The following AGTPBP1 variants were observed in gnomAD, a reference collection of about 807,000 sequenced individuals.
AGTPBP1 encodes ATP/GTP binding carboxypeptidase 1.
A neutral mutation model predicts 143.9 loss-of-function variants in AGTPBP1; 70 were observed. The ratio of observed to expected loss-of-function variants is 0.49; its 90% CI spans 0.40 to 0.59. The LOEUF is 0.59. Among genes scored for constraint, AGTPBP1 ranks in the 20% least tolerant of loss-of-function variants. AGTPBP1 has a pLI of 0.00. For missense variants in AGTPBP1, 1,229 were observed against 1,464.5 expected (o/e 0.84, Z 2.62); for synonymous variants, 463 against 500.2 (o/e 0.93, Z 0.99).
intron 25 of AGTPBP1, among the ~76,000 whole-genome samples, chr9:85,550,784 C>A (rs932299843): frequency 2.6e-5 from 4 of 152,180 alleles, no homozygotes; most frequent in African/African-American, 9.7e-5. Context: ...AACCAAAGTT[C>A]GCTACAAGCA....
intron 11 of AGTPBP1, among the ~76,000 whole-genome samples, chr9:85,649,236 A>G (rs1419448190): frequency 6.6e-6 from 1 of 152,256 alleles, no homozygotes; most frequent in Non-Finnish European, 1.5e-5. Flanking sequence ...CTACAACTGT[A>G]TGATGTAGTC....
intron 9 of AGTPBP1, 104 bp from the exon 10 acceptor site, chr9:85,657,747 T>C (rs934643120): frequency 4.2e-6 from 3 of 707,014 alleles, no homozygotes; most frequent in East Asian, 2.9e-5. Context: ...TGGATACTTA[T>C]AATTCTTTTT....
intron 2 of AGTPBP1, among the ~76,000 whole-genome samples, chr9:85,706,652 C>T (rs1415932995): frequency 1.3e-5 from 2 of 151,956 alleles, no homozygotes; most frequent in Admixed American, 6.6e-5. Context: ...GGGCGGATCA[C>T]GACATCAGGA....
intron 11 of AGTPBP1, among the ~76,000 whole-genome samples, chr9:85,647,440 A>G (rs1163391755): frequency 6.6e-6 from 1 of 152,224 alleles, no homozygotes; most frequent in African/African-American, 2.4e-5. Flanking sequence ...ACATGTAATT[A>G]TAATACCAAA....
At chr9:85,592,160 G>A (rs1829010439) in intron 19 of AGTPBP1, among the ~76,000 whole-genome samples, 1 of 151,638 alleles carries the variant, frequency 6.6e-6, no homozygotes. Flanking sequence ...TAAACATGCA[G>A]AAATCTCACC....
the AGTPBP1 span, among the ~76,000 whole-genome samples, chr9:85,772,278 T>C: frequency 1.3e-5 from 2 of 152,162 alleles, no homozygotes; most frequent in Non-Finnish European, 2.9e-5. Context: ...CTGGCCCTTG[T>C]GCTACTCTTA....
chr9:85,791,559 G>C, the AGTPBP1 span: 1 of 151,996 alleles, frequency 6.6e-6, no homozygotes, highest in Admixed American at 6.6e-5. Context: ...GGAGACAGGG[G>C]GGAAAGAGGT....
At chr9:85,630,058 C>A (rs559392292) in intron 14 of AGTPBP1, among the ~76,000 whole-genome samples, 1 of 152,270 alleles carries the variant, frequency 6.6e-6, no homozygotes, top group East Asian at 1.9e-4. Flanking sequence ...TTAAAGAGCA[C>A]TTAAAATTCA....
chr9:85,727,199 C>T (rs1838555722), intron 1 of AGTPBP1, among the ~76,000 whole-genome samples: 1 of 152,042 alleles, frequency 6.6e-6, no homozygotes, highest in Admixed American at 6.6e-5. Context: ...TGGTGGCACG[C>T]ACCTGTAATC....
At chr9:85,722,448 C>T (rs183519777) in intron 1 of AGTPBP1, among the ~76,000 whole-genome samples, 1 of 152,156 alleles carries the variant, frequency 6.6e-6, no homozygotes, top group Non-Finnish European at 1.5e-5. Flanking sequence ...ATCCTTTCTT[C>T]GACTTGATCG....
intron 6 of AGTPBP1, among the ~76,000 whole-genome samples, chr9:85,676,068 G>A (rs1368690798): frequency 6.6e-6 from 1 of 152,088 alleles, no homozygotes; most frequent in African/African-American, 2.4e-5. Flanking sequence ...AGAAAAAGCT[G>A]TAGCATGTTA....
chr9:85,654,088 A>G (rs1373321253), intron 11 of AGTPBP1, among the ~76,000 whole-genome samples: 2 of 152,214 alleles, frequency 1.3e-5, no homozygotes, highest in African/African-American at 4.8e-5. Flanking sequence ...TATCAAGGAT[A>G]ATGAAACTAA....
intron 25 of AGTPBP1, among the ~76,000 whole-genome samples, chr9:85,550,180 A>AGTGT (rs35611324): frequency 2.0e-5 from 3 of 149,504 alleles, no homozygotes; most frequent in East Asian, 3.9e-4. Flanking sequence ...AGAGTTTGTG[A>AGTGT]GTGTGTGTGT....
chr9:85,555,521 C>G (rs921457798), intron 25 of AGTPBP1, among the ~76,000 whole-genome samples: 14 of 152,272 alleles, frequency 9.2e-5, no homozygotes, highest in Admixed American at 9.2e-4. Flanking sequence ...ATCACTTGAA[C>G]CCAGGAGGCA....
At chr9:85,603,114 G>A (rs1040758734) in intron 17 of AGTPBP1, among the ~76,000 whole-genome samples, 2 of 152,124 alleles carry the variant, frequency 1.3e-5, no homozygotes, top group African/African-American at 4.8e-5. Context: ...GACAAGTCCT[G>A]GTGCTATGCT....
the AGTPBP1 span, among the ~76,000 whole-genome samples, chr9:85,795,985 G>C: frequency 2.4e-4 from 35 of 148,896 alleles, no homozygotes; most frequent in Non-Finnish European, 4.3e-4. Context: ...GTGGAGGCTT[G>C]AATTAAATTA....
At chr9:85,729,057 A>G (rs1367350132) in intron 1 of AGTPBP1, among the ~76,000 whole-genome samples, 1 of 152,272 alleles carries the variant, frequency 6.6e-6, no homozygotes, top group Non-Finnish European at 1.5e-5. Flanking sequence ...GCATAAAGAC[A>G]GACATACAGA....
At chr9:85,572,004 GTTTTTT>G (rs55882437) in intron 25 of AGTPBP1, among the ~76,000 whole-genome samples, 5 of 43,494 alleles carry the variant, frequency 1.1e-4, no homozygotes, top group Non-Finnish European at 2.0e-4. Context: ...GTTTGTGTGT[GTTTTTT>G]TTTTTTTTTT....
intron 13 of AGTPBP1, among the ~76,000 whole-genome samples, chr9:85,634,172 T>A (rs1587789065): frequency 8.4e-6 from 1 of 119,564 alleles, no homozygotes; most frequent in African/African-American, 3.3e-5. Context: ...CCAGCCTGAG[T>A]GACAAAGTGA....
Sources: gnomAD v4.1 joint callset for allele counts (sites outside exome capture counted in the v4.1 genomes callset) on GRCh38, gnomAD v4.1.1 for gene constraint, MANE v1.5 for transcripts, NCBI Gene and HGNC (gene_info 2026-07-23, HGNC 2026-07-21) for gene names.